Variants in NAA11 observed in about 807,000 individuals in gnomAD.
NAA11 encodes the protein N-alpha-acetyltransferase 11, NatA catalytic subunit.
A neutral mutation model predicts 16.1 loss-of-function variants in NAA11; 15 were observed. The observed-to-expected ratio is 0.93, with a 90% confidence interval of 0.62 to 1.44. The LOEUF is 1.44. Ranked by LOEUF, NAA11 falls within the 40% of genes most tolerant of loss-of-function variation. The pLI is 0.00. For synonymous variants in NAA11, 122 were observed against 112.4 expected (o/e 1.09, Z -0.54); for missense variants, 298 against 291.3 (o/e 1.02, Z -0.17).
intron 2 of NAA11, among the ~76,000 whole-genome samples, chr4:79,268,831 C>T (rs1399501930): frequency 1.4e-5 from 2 of 146,728 alleles, no homozygotes; most frequent in South Asian, 2.3e-4. Flanking sequence ...AGGTATATCT[C>T]CCAATGCTAT....
intron 1 of NAA11, chr4:79,294,186 C>A (rs1450384245): frequency 6.6e-6 from 1 of 152,202 alleles, no homozygotes; most frequent in East Asian, 1.9e-4. Flanking sequence ...TACATCAATG[C>A]TGAGCCCATT....
chr4:79,283,909 T>G (rs923050997), intron 2 of NAA11, among the ~76,000 whole-genome samples: 4 of 152,122 alleles, frequency 2.6e-5, no homozygotes, highest in African/African-American at 9.7e-5. Flanking sequence ...TTAATTGGAA[T>G]TATATTTTTT....
At chr4:79,293,019 T>C (rs1723122114) in intron 2 of NAA11, among the ~76,000 whole-genome samples, 1 of 152,210 alleles carries the variant, frequency 6.6e-6, no homozygotes, top group South Asian at 2.1e-4. Flanking sequence ...TTATATTTGT[T>C]GTCTATATTG....
At chr4:79,309,714 C>CTTTTTTTTTTTTTTTTTTTTTTTTT (rs71662804) in intron 1 of NAA11, among the ~76,000 whole-genome samples, 1 of 81,422 alleles carries the variant, frequency 1.2e-5, no homozygotes, top group Non-Finnish European at 2.2e-5. Context: ...TTTTTTTTTT[C>CTTTTTTTTTTTTTTTTTTTTTTTTT]TTTTTTTTTT....
At chr4:79,206,727 A>C in the NAA11 span, among the ~76,000 whole-genome samples, 4 of 152,096 alleles carry the variant, frequency 2.6e-5, no homozygotes, top group African/African-American at 9.7e-5. Flanking sequence ...TCCTGTTCCA[A>C]CCAAGGGAAA....
chr4:79,312,374 G>T (rs1475578710), downstream of NAA11, among the ~76,000 whole-genome samples: 1 of 151,998 alleles, frequency 6.6e-6, no homozygotes, highest in Non-Finnish European at 1.5e-5. Flanking sequence ...ATCTTGGCCG[G>T]GCGCAGTGGC....
chr4:79,297,250 G>T (rs992831363), intron 1 of NAA11, among the ~76,000 whole-genome samples: 2 of 152,192 alleles, frequency 1.3e-5, no homozygotes, highest in Non-Finnish European at 2.9e-5. Flanking sequence ...AGCCTCCGTG[G>T]AGCCCACTGC....
the NAA11 span, among the ~76,000 whole-genome samples, chr4:79,187,803 T>C: frequency 6.6e-6 from 1 of 151,982 alleles, no homozygotes; most frequent in Non-Finnish European, 1.5e-5. Context: ...GAGACCATCC[T>C]GGCTAACACG....
chr4:79,215,119 G>A, the NAA11 span, among the ~76,000 whole-genome samples: 1 of 152,144 alleles, frequency 6.6e-6, no homozygotes, highest in Non-Finnish European at 1.5e-5. Context: ...TATTTTTTAA[G>A]TGATACTAAT....
chr4:79,219,549 A>G, the NAA11 span, among the ~76,000 whole-genome samples: 4 of 152,194 alleles, frequency 2.6e-5, no homozygotes, highest in Admixed American at 1.3e-4. Context: ...TAGGGGAAAC[A>G]TAAGCTTGAT....
the NAA11 span, among the ~76,000 whole-genome samples, chr4:79,210,146 G>A: frequency 1.3e-5 from 2 of 152,164 alleles, no homozygotes; most frequent in African/African-American, 4.8e-5. Flanking sequence ...TCACTCGGGT[G>A]CGAGTGGGCT....
intron 2 of NAA11, among the ~76,000 whole-genome samples, chr4:79,231,216 G>T (rs1255334531): frequency 6.6e-6 from 1 of 151,918 alleles, no homozygotes; most frequent in African/African-American, 2.4e-5. Flanking sequence ...CTAGAAGAAA[G>T]AAACCTACTG....
the NAA11 span, among the ~76,000 whole-genome samples, chr4:79,158,825 C>G: frequency 6.6e-6 from 1 of 151,480 alleles, no homozygotes; most frequent in Admixed American, 6.6e-5. Context: ...TTAGAGCAAA[C>G]TGATCCTTGA....
the NAA11 span, among the ~76,000 whole-genome samples, chr4:79,183,933 G>A: frequency 6.6e-6 from 1 of 152,026 alleles, no homozygotes; most frequent in African/African-American, 2.4e-5. Flanking sequence ...CACATGCTGA[G>A]TTTTGTCTTT....
intron 2 of NAA11, among the ~76,000 whole-genome samples, chr4:79,273,243 G>C (rs1722543344): frequency 6.6e-6 from 1 of 151,906 alleles, no homozygotes; most frequent in Admixed American, 6.6e-5. Flanking sequence ...TTGGAGATAA[G>C]CTACCACAAA....
At chr4:79,311,815 A>G (rs1014220236), downstream of NAA11, among the ~76,000 whole-genome samples, 2 of 152,244 alleles carry the variant, frequency 1.3e-5, no homozygotes, top group African/African-American at 4.8e-5. Flanking sequence ...ACAATTATAA[A>G]GAAGATAATA....
intron 2 of NAA11, among the ~76,000 whole-genome samples, chr4:79,259,929 C>T (rs1722211030): frequency 6.6e-6 from 1 of 152,140 alleles, no homozygotes; most frequent in Non-Finnish European, 1.5e-5. Flanking sequence ...GATGTTTCTT[C>T]TCAGTATGGG....
At chr4:79,207,137 C>A in the NAA11 span, among the ~76,000 whole-genome samples, 6 of 151,796 alleles carry the variant, frequency 4.0e-5, no homozygotes, top group Non-Finnish European at 5.9e-5. Flanking sequence ...GAGATTGTAT[C>A]ATCACCAAAT....
chr4:79,296,394 C>A (rs1723221464), intron 1 of NAA11, among the ~76,000 whole-genome samples: 1 of 152,180 alleles, frequency 6.6e-6, no homozygotes, highest in East Asian at 1.9e-4. Flanking sequence ...TTTTGTTCAT[C>A]TTTGTATTCC....
Sources: allele counts gnomAD v4.1 joint callset (sites outside exome capture counted in the v4.1 genomes callset), GRCh38; gene constraint gnomAD v4.1.1; transcripts MANE v1.5; gene names NCBI Gene and HGNC (gene_info 2026-07-23, HGNC 2026-07-21).